The following HMGCL variants were observed in gnomAD, a reference collection of about 807,000 sequenced individuals.
HMGCL encodes hydroxymethylglutaryl-CoA lyase, mitochondrial.
Under a neutral mutation model 37.3 loss-of-function variants are expected in HMGCL, and 26 were observed. The observed-to-expected ratio is 0.70, with a 90% confidence interval of 0.51 to 0.97. The LOEUF is 0.97. Ranked by LOEUF, HMGCL falls within the 50% of genes least tolerant of loss-of-function variation. HMGCL has a pLI of 0.00. For synonymous variants in HMGCL, 151 were observed against 148.0 expected, an observed-to-expected ratio of 1.02 and a Z score of -0.15; for missense variants, 379 against 398.1, an observed-to-expected ratio of 0.95 and a Z score of 0.41.
At chr1:23,804,257 T>C (rs1370036515) in intron 8 of HMGCL, 143 bp downstream of exon 8, 1 of 959,032 alleles carries the variant, frequency 1.0e-6, no homozygotes, top group Admixed American at 2.0e-5. Flanking sequence ...ATTACAGGCA[T>C]GAGCCACTGC....
At chr1:23,816,901 G>A (rs930218514) in intron 3 of HMGCL, 131 bp from the exon 4 acceptor site, 14 of 726,834 alleles carry the variant, frequency 1.9e-5, no homozygotes, top group Middle Eastern at 2.3e-4. Context: ...GCAGAGCTGA[G>A]TCTCTCCAAT....
chr1:23,810,680 G>T, intron 6 of HMGCL, 56 bp downstream of exon 6: 1 of 1,469,032 alleles, frequency 6.8e-7, no homozygotes, highest in East Asian at 2.3e-5. Context: ...ATGCGCTCAG[G>T]GGCAGACAAG....
At chr1:23,811,495 G>C (rs1638519923) in intron 5 of HMGCL, among the ~76,000 whole-genome samples, 1 of 152,196 alleles carries the variant, frequency 6.6e-6, no homozygotes, top group Non-Finnish European at 1.5e-5. Context: ...GAAATGATAG[G>C]AACAAGTGGA....
chr1:23,814,839 G>A (rs543010428), intron 4 of HMGCL, among the ~76,000 whole-genome samples: 1 of 152,208 alleles, frequency 6.6e-6, no homozygotes, highest in Non-Finnish European at 1.5e-5. Flanking sequence ...CAGCGTCATT[G>A]CAGATATCAT....
Position 23,824,636 on chromosome 1 carries a change from GTTAC to G in HMGCL, c.60+716_60+719del, listed in dbSNP as rs543403004. Among the ~76,000 whole-genome samples, 263 of 152,288 alleles carry G rather than the reference GTTAC, an allele frequency of 1.7e-3. 2 individuals are homozygous for G. The highest frequency in any genetic ancestry group is 3.5e-3 in the Non-Finnish European group (240 of 68,020). On this transcript the variant is annotated intron_variant, in intron 1 of 8. Transcript: ENST00000374490. ...TAGGAGCCAGAACACTGCCAGATGTGTTACTTACATTTTCTCTAATTTCCAAAAC... is the reference window on the plus strand; with the variant it reads ...TAGGAGCCAGAACACTGCCAGATGTGTTACATTTTCTCTAATTTCCAAAAC...
intron 1 of HMGCL, among the ~76,000 whole-genome samples, chr1:23,825,111 T>G (rs1015098484): frequency 6.6e-6 from 1 of 152,184 alleles, no homozygotes; most frequent in African/African-American, 2.4e-5. Flanking sequence ...TCAGGGCACC[T>G]AGGATGGCGT....
rs771361970 is a variant in HMGCL at position 23,808,272 on chromosome 1, T to C, written c.613A>G (p.Thr205Ala). The change falls in exon 7 of 9, where the codon ACC (threonine) becomes GCC (alanine). Residue 205 changes from threonine to alanine, a missense_variant. By Grantham distance (58) the Thr-to-Ala change is moderately conservative (BLOSUM62 0). Transcript: ENST00000374490. The part of the protein sequence containing the change: ...MGCYEISLGD[T>A]IGVGTPGIMK... ...ATCCCTGGGGTGCCCACACCAATGG[T>C]GTCCCCCAGGGAGATCTCGTAGCAG... 1 of 1,614,002 alleles carries C rather than the reference T, an allele frequency of 6.2e-7. No individual in the cohort carries two copies. The highest frequency in any genetic ancestry group is 1.1e-5 in the South Asian group (1 of 91,074).
intron 5 of HMGCL, 29 bp downstream of exon 5, chr1:23,814,161 G>A (rs765180875): frequency 5.0e-6 from 8 of 1,612,318 alleles, no homozygotes; most frequent in Non-Finnish European, 6.8e-6. Flanking sequence ...ACGGTACAGA[G>A]GAAAGGATAC....
At chr1:23,822,548 CT>C (rs1405406014) in intron 1 of HMGCL, among the ~76,000 whole-genome samples, 1 of 152,208 alleles carries the variant, frequency 6.6e-6, no homozygotes, top group African/African-American at 2.4e-5. Context: ...TCTCAACCCC[CT>C]GAAGTCCCCC....
In HMGCL at chr1:23,813,785, G is replaced by T. The variant is rs374049559; in HGVS notation, c.497+405C>A. ...AGCCTAGGTAATTCTCCAGGGATGT[G>T]TGAAGAGCTAGTGATAAAGCCAGGA... On this transcript the variant is annotated intron_variant, in intron 5 of 8. Coordinates refer to ENST00000374490, the MANE Select transcript of HMGCL (RefSeq NM_000191.3). 7 of 270,308 alleles carry T rather than the reference G, an allele frequency of 2.6e-5. No homozygotes were observed. The South Asian group carries it at 3.0e-4, about 12-fold the overall frequency. The allele number at this position is 270,308 out of a possible 1,614,324, so 16.7% of individuals were successfully genotyped here. A position where few individuals can be genotyped will look rare whatever the true frequency, so the allele number is the denominator to read the frequency against.
rs1638416947 is a variant in HMGCL, at chr1:23,806,686, A to G, written c.750+1449T>C. ...CACCTGGCCTGCTGTATGTTTGTTT[A>G]TTTATTATCTGTCTCATAGTACTAG... On this transcript the variant is annotated intron_variant, in intron 7 of 8. Transcript: ENST00000374490. The surrounding 1 kb of genome is among the most constrained non-coding windows in gnomAD (Gnocchi z 4.0). The G allele has an allele frequency of 3.2e-6, 1 of 316,254 alleles. No homozygotes were observed. The highest frequency in any genetic ancestry group is 6.2e-6 in the Non-Finnish European group (1 of 160,376). The allele number at this position is 316,254 out of a possible 1,614,324, so 19.6% of individuals were successfully genotyped here.
intron 5 of HMGCL, chr1:23,813,975 G>T (rs1638569166): frequency 1.7e-6 from 1 of 599,074 alleles, no homozygotes; most frequent in Admixed American, 2.6e-5. Context: ...TGCTATCATG[G>T]CTAGCTGGTA....
intron 7 of HMGCL, among the ~76,000 whole-genome samples, chr1:23,805,474 C>T (rs906673062): frequency 6.6e-6 from 1 of 152,248 alleles, no homozygotes; most frequent in Non-Finnish European, 1.5e-5. Flanking sequence ...CCCACAACTC[C>T]TCCACTGAAA....
At chr1:23,807,815 C>G (rs1379840681) in intron 7 of HMGCL, among the ~76,000 whole-genome samples, 1 of 152,170 alleles carries the variant, frequency 6.6e-6, no homozygotes, top group Non-Finnish European at 1.5e-5. Context: ...GTTCTTCAAG[C>G]TTCACTGAGG....
Position 23,816,720 on chromosome 1 carries a change from G to C in HMGCL, c.303C>G (p.Ile101Met), listed in dbSNP as rs751173604. 5 of 1,613,784 alleles carry C rather than the reference G, an allele frequency of 3.1e-6. No homozygotes were observed. The highest frequency in any genetic ancestry group is 4.2e-6 in the Non-Finnish European group (5 of 1,179,642). ...AATTTGGGGTCAGGACTGGGTAGTTGATGCCAGGAAACTTCTGAATGCCCT... is the reference window on the plus strand; with the variant it reads ...AATTTGGGGTCAGGACTGGGTAGTTCATGCCAGGAAACTTCTGAATGCCCT... ...VLKGIQKFPG[I>M]NYPVLTPNLK... is the part of the protein sequence containing the mutation. The change falls in exon 4 of 9, where the codon ATC becomes ATG. Residue 101 changes from isoleucine to methionine, a missense_variant. Transcript: ENST00000374490.
At chr1:23,810,620 GTGAA>G (rs1638502218) in intron 6 of HMGCL, 112 bp downstream of exon 6, 5 of 836,158 alleles carry the variant, frequency 6.0e-6, no homozygotes, top group East Asian at 5.3e-5. Context: ...AAGGAGCTGG[GTGAA>G]TGAATGAAGT....
At chr1:23,820,705 T>A in intron 1 of HMGCL, 112 bp from the exon 2 acceptor site, 1 of 774,348 alleles carries the variant, frequency 1.3e-6, no homozygotes, top group Non-Finnish European at 2.3e-6. Flanking sequence ...CAAGAAGAAA[T>A]ATTTCTCACC....
chr1:23,804,368 G>A, intron 8 of HMGCL, 32 bp downstream of exon 8: 1 of 1,613,890 alleles, frequency 6.2e-7, no homozygotes, highest in Admixed American at 1.7e-5. Flanking sequence ...GTCAGTTCGG[G>A]GCTGTCGCCA....
chr1:23,810,769 A>G lies in HMGCL; in HGVS notation c.528T>C (p.Tyr176=), dbSNP rs112508527. 141 of 1,614,044 alleles carry G rather than the reference A, an allele frequency of 8.7e-5. 3 individuals carry two copies. The Middle Eastern group carries it at 9.9e-4, about 11-fold the overall frequency. The change falls in exon 6 of 9, where the codon TAT becomes TAC. Residue 176 remains tyrosine, a synonymous_variant. Transcript: ENST00000374490. ...CTTTAGCTGGGGAGATCTTCCCTTCATAAGGGCAGCCAAGAGCACAGGAGA... is the reference window on the plus strand; with the variant it reads ...CTTTAGCTGGGGAGATCTTCCCTTCGTAAGGGCAGCCAAGAGCACAGGAGA... ...GYVSCALGCP[Y]EGKISPAKVA...
Sources: allele counts gnomAD v4.1 joint callset (sites outside exome capture counted in the v4.1 genomes callset), GRCh38; gene constraint gnomAD v4.1.1; non-coding constraint Gnocchi (gnomAD v3.1); transcripts MANE v1.5; gene names NCBI Gene and HGNC (gene_info 2026-07-23, HGNC 2026-07-21).